GRIP1: variants seen among roughly 807,000 people sequenced by gnomAD.
The protein encoded by GRIP1 is glutamate receptor-interacting protein 1.
A neutral mutation model predicts 129.9 loss-of-function variants in GRIP1; 45 were observed. The ratio of observed to expected loss-of-function variants is 0.35; its 90% confidence interval spans 0.27 to 0.44. GRIP1 has a LOEUF of 0.44. Ranked by LOEUF, GRIP1 falls within the 20% of genes least tolerant of loss-of-function variation. GRIP1 has a pLI of 1.00. For missense variants in GRIP1, 1,196 were observed against 1,396.8 expected, an observed-to-expected ratio of 0.86 and a Z score of 2.29; for synonymous variants, 530 against 520.8, an observed-to-expected ratio of 1.02 and a Z score of -0.24.
chr12:66,472,989 C>T lies in GRIP1; in HGVS notation c.725-7567G>A, dbSNP rs139830714. ...CCAGTGAGAGAGAACCATTCACTCC[C>T]CTGGAAAGGAGGCAGGAACCAGGGA... On this transcript the variant is annotated intron_variant, in intron 7 of 24. Transcript: ENST00000359742. 9.7e-3 allele frequency among the ~76,000 whole-genome samples: 1,475 copies of T among 152,232 alleles called. 12 individuals are homozygous for T. Among genetic ancestry groups the T allele is most frequent in the Non-Finnish European group, 0.015 (1,037 of 68,014 alleles).
At chr12:66,469,702 AAC>A (rs944804120) in intron 7 of GRIP1, among the ~76,000 whole-genome samples, 79 of 152,346 alleles carry the variant, frequency 5.2e-4, no homozygotes, top group African/African-American at 1.8e-3. Context: ...GCTTATTGAC[AAC>A]AGTCTACAGA....
At chr12:66,791,874 C>T (rs140531632) in intron 1 of GRIP1, among the ~76,000 whole-genome samples, 83 of 152,150 alleles carry the variant, frequency 5.5e-4, no homozygotes, top group African/African-American at 1.7e-3. Context: ...TGTACCACTC[C>T]GTATGTCTTT....
chr12:66,580,422 G>A (rs2063328800), intron 2 of GRIP1, among the ~76,000 whole-genome samples: 1 of 151,846 alleles, frequency 6.6e-6, no homozygotes, highest in East Asian at 1.9e-4. Context: ...AACTTTAAAT[G>A]TAAAGGGACT....
chr12:66,380,072 A>AT (rs574641273), intron 19 of GRIP1, among the ~76,000 whole-genome samples: 4,421 of 147,912 alleles, frequency 0.03, 235 homozygotes, highest in African/African-American at 0.1. Flanking sequence ...CACCCAGCTA[A>AT]TTTTTTTTTT....
chr12:66,607,250 G>C (rs952214398), intron 1 of GRIP1, among the ~76,000 whole-genome samples: 15 of 152,138 alleles, frequency 9.9e-5, no homozygotes, highest in African/African-American at 3.6e-4. Context: ...TATGATATAA[G>C]ATGCAAGATT....
chr12:66,921,189 G>A (rs985537576), intron 1 of GRIP1, among the ~76,000 whole-genome samples: 2 of 152,188 alleles, frequency 1.3e-5, no homozygotes, highest in African/African-American at 4.8e-5. Flanking sequence ...CAACAGCAAA[G>A]AAAATGCTAT....
chr12:66,831,793 TCTC>T (rs1457619670), intron 1 of GRIP1, among the ~76,000 whole-genome samples: 1 of 152,140 alleles, frequency 6.6e-6, no homozygotes, highest in African/African-American at 2.4e-5. Context: ...AGTTACTTAA[TCTC>T]CTGACGCCTT....
chr12:66,787,711 G>T (rs909298972), intron 1 of GRIP1, among the ~76,000 whole-genome samples: 1 of 152,092 alleles, frequency 6.6e-6, no homozygotes, highest in Non-Finnish European at 1.5e-5. Flanking sequence ...ATCTACCTGT[G>T]CCTTGATCTT....
At chr12:67,030,881 G>A (rs866187652) in intron 1 of GRIP1, among the ~76,000 whole-genome samples, 1 of 152,082 alleles carries the variant, frequency 6.6e-6, no homozygotes, top group South Asian at 2.1e-4. Context: ...TTAGTTAGAA[G>A]CCTAATTACT....
At chr12:66,480,507 G>A (rs1592401738) in intron 7 of GRIP1, among the ~76,000 whole-genome samples, 1 of 151,984 alleles carries the variant, frequency 6.6e-6, no homozygotes, top group Admixed American at 6.6e-5. Context: ...TATAGGTTCA[G>A]TGCTATCCTC....
chr12:66,515,988 A>T (rs1242677517), intron 6 of GRIP1, among the ~76,000 whole-genome samples: 1 of 152,128 alleles, frequency 6.6e-6, no homozygotes, highest in African/African-American at 2.4e-5. Context: ...ACACATTAGC[A>T]AAAAAACCTA....
chr12:66,701,929 T>C (rs10784577), intron 1 of GRIP1, among the ~76,000 whole-genome samples: 64,244 of 151,974 alleles, frequency 0.42, 14,037 homozygotes, highest in Admixed American at 0.52. Context: ...ACTCTAACTG[T>C]ACAAGCAGTT....
intron 1 of GRIP1, among the ~76,000 whole-genome samples, chr12:66,861,013 C>A (rs185447628): frequency 1.2e-4 from 18 of 152,126 alleles, no homozygotes. Context: ...AGGATAATAT[C>A]AGTGTGGAGA....
At chr12:66,379,817 G>A (rs1201172362) in intron 19 of GRIP1, among the ~76,000 whole-genome samples, 2 of 152,150 alleles carry the variant, frequency 1.3e-5, no homozygotes, top group Non-Finnish European at 2.9e-5. Context: ...TGGCTTAGCT[G>A]AGATCTGCCA....
At chr12:66,604,963 T>C (rs893287508) in intron 1 of GRIP1, among the ~76,000 whole-genome samples, 2 of 151,966 alleles carry the variant, frequency 1.3e-5, no homozygotes, top group African/African-American at 4.8e-5. Context: ...AACTGAGTGG[T>C]AGGATTAATA....
At chr12:66,747,573 G>C (rs1490698622) in intron 1 of GRIP1, among the ~76,000 whole-genome samples, 1 of 152,116 alleles carries the variant, frequency 6.6e-6, no homozygotes, top group African/African-American at 2.4e-5. Context: ...GGCCAACAGG[G>C]AATGGAAAAT....
intron 1 of GRIP1, among the ~76,000 whole-genome samples, chr12:66,961,019 G>A (rs564859363): frequency 7.0e-4 from 107 of 152,232 alleles, no homozygotes; most frequent in African/African-American, 2.4e-3. Flanking sequence ...GAGAAGTGCT[G>A]CAAAATTCCA....
intron 3 of GRIP1, among the ~76,000 whole-genome samples, chr12:66,541,212 A>G (rs2061770829): frequency 6.6e-6 from 1 of 152,186 alleles, no homozygotes; most frequent in Non-Finnish European, 1.5e-5. Flanking sequence ...TATCCAGGAC[A>G]TTCTGCCTTT....
intron 7 of GRIP1, among the ~76,000 whole-genome samples, chr12:66,501,218 A>C (rs2060383268): frequency 6.6e-6 from 1 of 152,208 alleles, no homozygotes; most frequent in Non-Finnish European, 1.5e-5. Context: ...GTTGGAGTTA[A>C]CCTGGTATTT....
Sources: gnomAD v4.1 joint callset for allele counts (sites outside exome capture counted in the v4.1 genomes callset) on GRCh38, gnomAD v4.1.1 for gene constraint, MANE v1.5 for transcripts, NCBI Gene and HGNC (gene_info 2026-07-23, HGNC 2026-07-21) for gene names.